CRACD: variants seen among roughly 807,000 people sequenced by gnomAD.
The protein encoded by CRACD is capping protein-inhibiting regulator of actin dynamics.
Under a neutral mutation model 106.8 loss-of-function variants are expected in CRACD, and 56 were observed. That is an observed-to-expected ratio of 0.52 (90% confidence interval 0.42 to 0.66). The LOEUF (loss-of-function observed/expected upper bound fraction) is 0.66. Ranked by LOEUF, CRACD falls within the 30% of genes least tolerant of loss-of-function variation. The probability of loss-of-function intolerance (pLI) is 0.00; values close to 1 mark genes in which losing one functional copy is unlikely to be tolerated. For synonymous variants in CRACD, 754 were observed against 670.8 expected (o/e 1.12, Z -1.92); for missense variants, 1,730 against 1,623.2 (o/e 1.07, Z -1.13).
chr4:56,305,904 C>T (rs1744664361), intron 4 of CRACD, among the ~76,000 whole-genome samples: 1 of 152,162 alleles, frequency 6.6e-6, no homozygotes, highest in Non-Finnish European at 1.5e-5. Flanking sequence ...GATTCTTGCG[C>T]CAGGGAACAT....
At chr4:56,254,407 T>C (rs1465843645) in intron 2 of CRACD, among the ~76,000 whole-genome samples, 1 of 151,852 alleles carries the variant, frequency 6.6e-6, no homozygotes, top group East Asian at 1.9e-4. Context: ...GGTTTTTTTT[T>C]TTTTCTGTTC....
intron 10 of CRACD, among the ~76,000 whole-genome samples, chr4:56,326,247 G>T (rs1234972230): frequency 1.4e-5 from 2 of 141,490 alleles, no homozygotes; most frequent in African/African-American, 5.2e-5. Flanking sequence ...TTAGAATGCT[G>T]TGTAATTTCT....
At chr4:56,320,389 A>G (rs1261594905) in intron 8 of CRACD, among the ~76,000 whole-genome samples, 2 of 152,208 alleles carry the variant, frequency 1.3e-5, no homozygotes, top group Non-Finnish European at 2.9e-5. Flanking sequence ...ATATTGGAGC[A>G]AAATACATTT....
chr4:56,327,256 C>A (rs988924378), intron 10 of CRACD, among the ~76,000 whole-genome samples: 1 of 152,090 alleles, frequency 6.6e-6, no homozygotes, highest in Non-Finnish European at 1.5e-5. Context: ...CTGAGGGAGT[C>A]CAGGAATTTG....
intron 1 of CRACD, among the ~76,000 whole-genome samples, chr4:56,107,711 T>C (rs1254452476): frequency 6.6e-6 from 1 of 152,042 alleles, no homozygotes; most frequent in Non-Finnish European, 1.5e-5. Flanking sequence ...GGAAGGAGAG[T>C]GCACTTGGTT....
rs137981066 is a variant in CRACD at position 56,214,784 on chromosome 4, A to G, written c.-189+35354A>G. Among the ~76,000 whole-genome samples the G allele has an allele frequency of 6.5e-3, 974 of 150,352 alleles. 7 individuals carry two copies. The highest frequency in any genetic ancestry group is 0.023 in the African/African-American group (926 of 40,942). ...TCCCAGCACTTTGGGAGGCCAAGGT[A>G]GGCAAATCATGAGGTCAGGAGTTCG... On this transcript the variant is annotated intron_variant, in intron 2 of 10. Coordinates refer to ENST00000682029, the MANE Select transcript of CRACD (RefSeq NM_001393381.1).
chr4:56,238,651 G>T (rs1390932180), intron 2 of CRACD, among the ~76,000 whole-genome samples: 1 of 152,156 alleles, frequency 6.6e-6, no homozygotes. Context: ...GATACATATT[G>T]CCAAATAGCC....
chr4:56,208,646 G>A (rs1239948038), intron 2 of CRACD, among the ~76,000 whole-genome samples: 1 of 152,150 alleles, frequency 6.6e-6, no homozygotes, highest in African/African-American at 2.4e-5. Flanking sequence ...ATTTGGCAAT[G>A]CTTTCCATAT....
intron 3 of CRACD, among the ~76,000 whole-genome samples, chr4:56,285,128 G>T (rs1018686784): frequency 6.6e-6 from 1 of 152,162 alleles, no homozygotes; most frequent in Admixed American, 6.5e-5. Flanking sequence ...AAAGAACAAA[G>T]GGGGAAGTGC....
chr4:56,235,286 A>C (rs1739898766), intron 2 of CRACD, among the ~76,000 whole-genome samples: 2 of 152,240 alleles, frequency 1.3e-5, no homozygotes, highest in Non-Finnish European at 2.9e-5. Context: ...AAGACATCCA[A>C]ACCATTTAAG....
At chr4:56,147,476 T>C (rs1231704184) in intron 1 of CRACD, among the ~76,000 whole-genome samples, 2 of 152,200 alleles carry the variant, frequency 1.3e-5, no homozygotes, top group Admixed American at 1.3e-4. Flanking sequence ...ACATTCTGTC[T>C]GTATGGATTT....
At chr4:56,169,825 C>T (rs950889340) in intron 1 of CRACD, among the ~76,000 whole-genome samples, 1 of 152,066 alleles carries the variant, frequency 6.6e-6, no homozygotes, top group African/African-American at 2.4e-5. Context: ...ACCATTTGTT[C>T]TGCAGCCAAG....
At chr4:56,211,234 A>G (rs1158295987) in intron 2 of CRACD, among the ~76,000 whole-genome samples, 1 of 152,194 alleles carries the variant, frequency 6.6e-6, no homozygotes, top group African/African-American at 2.4e-5. Flanking sequence ...GACCAGAGCA[A>G]CTCCATCTTG....
chr4:56,313,292 T>G lies in CRACD; in HGVS notation c.450T>G (p.Ala150=). The G allele has an allele frequency of 6.2e-7, 1 of 1,614,216 alleles. No homozygotes were observed. The highest frequency in any genetic ancestry group is 2.2e-5 in the East Asian group (1 of 44,880). ...TAGATGCCATCCCCCTGGCCATCGC[T>G]CGCCTGGACAACAGTGCCGCCAAGC... ...VNLDAIPLAI[A]RLDNSAAKHK... is the part of the protein sequence containing the mutation. The change falls in exon 7 of 11, where the codon GCT becomes GCG. Residue 150 remains alanine, a synonymous_variant. Transcript: ENST00000682029.
intron 1 of CRACD, among the ~76,000 whole-genome samples, chr4:56,093,212 G>A (rs1733482120): frequency 6.6e-6 from 1 of 152,120 alleles, no homozygotes; most frequent in African/African-American, 2.4e-5. Context: ...TTGGTTGAGT[G>A]CCTTACTGTG....
chr4:56,070,250 G>GCTTTGC (rs934554985), intron 1 of CRACD, among the ~76,000 whole-genome samples: 63 of 150,760 alleles, frequency 4.2e-4, no homozygotes, highest in Non-Finnish European at 3.2e-4. Flanking sequence ...TCCACGTTGT[G>GCTTTGC]CTTTGCCTAC....
chr4:56,260,922 C>T (rs1381558348), intron 2 of CRACD, among the ~76,000 whole-genome samples: 6 of 150,940 alleles, frequency 4.0e-5, no homozygotes, highest in African/African-American at 1.5e-4. Flanking sequence ...TCCATCCATC[C>T]GTCCATCCAT....
chr4:56,246,545 T>A (rs1251611405), intron 2 of CRACD: 1 of 152,286 alleles, frequency 6.6e-6, no homozygotes, highest in Non-Finnish European at 1.5e-5. Context: ...TGCACTCACC[T>A]GACTCATACT....
At chr4:56,209,182 C>T (rs1738277940) in intron 2 of CRACD, among the ~76,000 whole-genome samples, 1 of 152,150 alleles carries the variant, frequency 6.6e-6, no homozygotes, top group South Asian at 2.1e-4. Context: ...ACCAGATTCC[C>T]ATAACCCTTT....
Sources: gnomAD v4.1 joint callset for allele counts (sites outside exome capture counted in the v4.1 genomes callset) on GRCh38, gnomAD v4.1.1 for gene constraint, MANE v1.5 for transcripts, NCBI Gene and HGNC (gene_info 2026-07-23, HGNC 2026-07-21) for gene names.